NEO1: variants seen among roughly 807,000 people sequenced by gnomAD.
NEO1 encodes neogenin 1, also known as neogenin.
In NEO1, 63 loss-of-function variants were observed where a neutral mutation model predicts 159.7. The ratio of observed to expected loss-of-function variants is 0.39; its 90% CI spans 0.32 to 0.49. The LOEUF (loss-of-function observed/expected upper bound fraction) is 0.49. Ranked by LOEUF, NEO1 falls within the 20% of genes least tolerant of loss-of-function variation. The pLI, the probability that NEO1 is intolerant of heterozygous loss-of-function variation, is 0.85. For synonymous variants in NEO1, 633 were observed against 662.0 expected (o/e 0.96, Z 0.67); for missense variants, 1,615 against 1,831.0 (o/e 0.88, Z 2.15).
intron 1 of NEO1, among the ~76,000 whole-genome samples, chr15:73,058,916 A>G (rs1051270844): frequency 9.9e-5 from 15 of 152,184 alleles, no homozygotes; most frequent in Admixed American, 5.9e-4. Flanking sequence ...TCAGATGCAA[A>G]AGTCACCTTT....
At chr15:73,279,844 A>G (rs1183962206) in intron 22 of NEO1, among the ~76,000 whole-genome samples, 1 of 152,242 alleles carries the variant, frequency 6.6e-6, no homozygotes, top group Non-Finnish European at 1.5e-5. Context: ...CAGCATGTGC[A>G]GAGGCATGGC....
chr15:73,274,607 T>G, intron 20 of NEO1, 85 bp from the exon 21 acceptor site: 1 of 1,389,934 alleles, frequency 7.2e-7, no homozygotes, highest in Non-Finnish European at 1.0e-6. Flanking sequence ...TTTAGTTTTT[T>G]TCCTTTAAAA....
chr15:73,266,393 G>A lies in NEO1; in HGVS notation c.2476G>A (p.Val826Met). Residue 826 changes from valine to methionine, a missense_variant, in exon 16 of 29, where the codon GTG (valine) becomes ATG (methionine). Physicochemically the swap from Val to Met is conservative, Grantham distance 21. Around this residue, in one of 3 missense-constraint regions of NEO1, gnomAD observed 1,018 missense variants for 1,115.4 expected, o/e 0.91. Transcript: ENST00000261908. ...AGGCATCCCCCTGTATGAGAGTGCT[G>A]TGACCAGGCCTCACACAGGTAAGGT... ...GEGIPLYESAVTRPHTDTSEV... is the reference protein window; with the variant it reads ...GEGIPLYESAMTRPHTDTSEV... 6.2e-7 allele frequency: 1 copy of A among 1,612,968 alleles called. No homozygotes were observed. The highest frequency in any genetic ancestry group is 8.5e-7 in the Non-Finnish European group (1 of 1,179,422).
intron 16 of NEO1, among the ~76,000 whole-genome samples, chr15:73,267,408 C>CT (rs775887294): frequency 2.0e-5 from 3 of 151,372 alleles, no homozygotes; most frequent in Non-Finnish European, 2.9e-5. Flanking sequence ...TTTTATTATA[C>CT]TTTAAGTTTT....
At chr15:73,265,922 G>T (rs910447912) in intron 15 of NEO1, among the ~76,000 whole-genome samples, 14 of 152,214 alleles carry the variant, frequency 9.2e-5, no homozygotes, top group African/African-American at 2.9e-4. Flanking sequence ...TACCTTGTCT[G>T]TTCCCATCGC....
chr15:73,103,521 A>T (rs1409042320), intron 1 of NEO1, among the ~76,000 whole-genome samples: 1 of 152,014 alleles, frequency 6.6e-6, no homozygotes, highest in African/African-American at 2.4e-5. Context: ...GGCCGGTTAG[A>T]TTCTCTTCAT....
intron 14 of NEO1, chr15:73,259,171 G>A (rs1029917775): frequency 8.0e-6 from 2 of 249,300 alleles, no homozygotes; most frequent in African/African-American, 2.2e-5. Context: ...AAAATTTAAG[G>A]CTGAGCCACA....
At chr15:73,286,268 ATT>A (rs1490504129) in intron 23 of NEO1, among the ~76,000 whole-genome samples, 2 of 152,204 alleles carry the variant, frequency 1.3e-5, no homozygotes, top group Non-Finnish European at 2.9e-5. Flanking sequence ...CGACCTGTGT[ATT>A]GCTAAAGCCA....
intron 7 of NEO1, among the ~76,000 whole-genome samples, chr15:73,232,503 C>A (rs1440265979): frequency 2.0e-5 from 3 of 152,188 alleles, no homozygotes; most frequent in Non-Finnish European, 4.4e-5. Context: ...TTTGCCCAGC[C>A]TTTGCTTTCT....
At chr15:73,281,002 G>A (rs2041668849) in intron 22 of NEO1, among the ~76,000 whole-genome samples, 2 of 151,516 alleles carry the variant, frequency 1.3e-5, no homozygotes, top group African/African-American at 4.8e-5. Context: ...TCAGGAGATC[G>A]AGACCATCCT....
At chr15:73,165,252 ATT>A (rs905997739) in intron 5 of NEO1, among the ~76,000 whole-genome samples, 1 of 152,140 alleles carries the variant, frequency 6.6e-6, no homozygotes, top group African/African-American at 2.4e-5. Context: ...TATGAATAGT[ATT>A]TCTCTCTAAG....
At chr15:73,254,182 C>G (rs907952432) in intron 12 of NEO1, among the ~76,000 whole-genome samples, 2 of 151,530 alleles carry the variant, frequency 1.3e-5, no homozygotes, top group South Asian at 4.2e-4. Context: ...AGAGTGAGAC[C>G]CCGACTCTAA....
chr15:73,150,640 T>C (rs2033292521), intron 5 of NEO1, among the ~76,000 whole-genome samples: 1 of 152,210 alleles, frequency 6.6e-6, no homozygotes, highest in South Asian at 2.1e-4. Flanking sequence ...TTTTTCTCTT[T>C]CGAGGTAAAA....
At chr15:73,294,329 G>A (rs2042272492) in intron 26 of NEO1, among the ~76,000 whole-genome samples, 1 of 152,150 alleles carries the variant, frequency 6.6e-6, no homozygotes, top group African/African-American at 2.4e-5. Context: ...GGCAAGCCTA[G>A]TAACTTCCCA....
intron 23 of NEO1, among the ~76,000 whole-genome samples, chr15:73,286,402 G>GA (rs2041950355): frequency 6.6e-6 from 1 of 151,496 alleles, no homozygotes; most frequent in Admixed American, 6.6e-5. Flanking sequence ...TTTGTTTTTT[G>GA]TTTTTTTTCA....
intron 3 of NEO1, 49 bp from the exon 4 acceptor site, chr15:73,126,368 C>T (rs767851153): frequency 2.0e-6 from 3 of 1,509,672 alleles, no homozygotes; most frequent in South Asian, 1.3e-5. Flanking sequence ...CCATGTCCAG[C>T]CTGTTTTGTC....
intron 2 of NEO1, among the ~76,000 whole-genome samples, 158 bp downstream of exon 2, chr15:73,117,015 G>A (rs1225535685): frequency 6.6e-6 from 1 of 152,086 alleles, no homozygotes; most frequent in African/African-American, 2.4e-5. Flanking sequence ...ATGGGACCTT[G>A]CTGTAGGGCT....
chr15:73,256,697 C>T (rs903835976), intron 13 of NEO1, among the ~76,000 whole-genome samples: 1 of 152,128 alleles, frequency 6.6e-6, no homozygotes, highest in Non-Finnish European at 1.5e-5. Flanking sequence ...CCAGCTTCTT[C>T]ACAAGAACCC....
intron 1 of NEO1, among the ~76,000 whole-genome samples, chr15:73,106,099 C>G (rs1409757719): frequency 3.9e-5 from 6 of 152,238 alleles, no homozygotes; most frequent in African/African-American, 1.4e-4. Flanking sequence ...TACTGGTAGT[C>G]ACTTAAAAAT....
Sources: gnomAD v4.1 joint callset for allele counts (sites outside exome capture counted in the v4.1 genomes callset) on GRCh38, gnomAD v4.1.1 for gene constraint, gnomAD v4.1.1 regional missense constraint, MANE v1.5 for transcripts, NCBI Gene and HGNC (gene_info 2026-07-23, HGNC 2026-07-21) for gene names.